The following MREG variants were observed in gnomAD, a reference collection of about 807,000 sequenced individuals.
MREG encodes the protein dilute suppressor protein homolog.
A neutral mutation model predicts 28.5 loss-of-function variants in MREG; 31 were observed. The ratio of observed to expected loss-of-function variants is 1.09; its 90% CI spans 0.82 to 1.47. The LOEUF (loss-of-function observed/expected upper bound fraction) is 1.47. MREG is among the 40% of genes most tolerant of loss of function. The probability of loss-of-function intolerance (pLI) is 0.00; values close to 1 mark genes in which losing one functional copy is unlikely to be tolerated. For synonymous variants in MREG, 106 were observed against 95.2 expected (o/e 1.11, Z -0.66); for missense variants, 256 against 257.4 (o/e 0.99, Z 0.04).
upstream of MREG, among the ~76,000 whole-genome samples, chr2:216,015,798 T>TGAAAA (rs571083906): frequency 6.6e-6 from 1 of 151,740 alleles, no homozygotes; most frequent in Non-Finnish European, 1.5e-5. Context: ...AAATAGGGTG[T>TGAAAA]GAAAAGAAAA....
chr2:215,947,724 C>A (rs1692358087), intron 2 of MREG, among the ~76,000 whole-genome samples: 1 of 152,224 alleles, frequency 6.6e-6, no homozygotes, highest in Admixed American at 6.5e-5. Context: ...TGGGCAATGT[C>A]TCCTTCACCA....
intron 2 of MREG, among the ~76,000 whole-genome samples, chr2:215,974,543 G>A (rs1693189706): frequency 6.6e-6 from 1 of 152,116 alleles, no homozygotes; most frequent in South Asian, 2.1e-4. Context: ...TTTACTGTAA[G>A]AGGAGCCAGA....
At chr2:215,967,723 C>T (rs1446249252) in intron 2 of MREG, among the ~76,000 whole-genome samples, 2 of 152,124 alleles carry the variant, frequency 1.3e-5, no homozygotes, top group Non-Finnish European at 2.9e-5. Context: ...TGTGAGACAT[C>T]ATTAGTAGCA....
At chr2:215,986,065 C>T (rs1416259669) in intron 2 of MREG, among the ~76,000 whole-genome samples, 3 of 152,154 alleles carry the variant, frequency 2.0e-5, no homozygotes, top group African/African-American at 7.2e-5. Context: ...GTTCATTTTT[C>T]AATTATCTTG....
At chr2:215,963,435 CAAAAA>C (rs767034652) in intron 2 of MREG, among the ~76,000 whole-genome samples, 4 of 46,662 alleles carry the variant, frequency 8.6e-5, no homozygotes, top group African/African-American at 1.8e-4. Flanking sequence ...GAACCCATCT[CAAAAA>C]AAAAAAAAAA....
intron 2 of MREG, among the ~76,000 whole-genome samples, chr2:215,966,601 C>CTTTTT (rs1052642780): frequency 7.3e-6 from 1 of 136,676 alleles, no homozygotes; most frequent in African/African-American, 2.7e-5. Context: ...AACATTTTCC[C>CTTTTT]TTTTTTTTTT....
chr2:216,011,337 G>A (rs1007510040), intron 1 of MREG, among the ~76,000 whole-genome samples: 3 of 152,158 alleles, frequency 2.0e-5, no homozygotes, highest in African/African-American at 7.2e-5. Context: ...GTGCCAGAAT[G>A]ACACCAAACC....
At chr2:216,018,571 T>C (rs536921100) in intron 1 of MREG, among the ~76,000 whole-genome samples, 1 of 152,318 alleles carries the variant, frequency 6.6e-6, no homozygotes, top group African/African-American at 2.4e-5. Flanking sequence ...AAGTAGCGTC[T>C]TCCTTAAAGA....
At chr2:215,966,799 G>A (rs1446180609) in intron 2 of MREG, among the ~76,000 whole-genome samples, 2 of 151,780 alleles carry the variant, frequency 1.3e-5, no homozygotes, top group African/African-American at 4.8e-5. Flanking sequence ...ACGAGGTTTC[G>A]CCATGTTGGT....
chr2:216,013,453 G>A lies in MREG; in HGVS notation c.-126C>T, dbSNP rs1202279381. The A allele has an allele frequency of 2.2e-6, 1 of 458,196 alleles. No homozygotes were observed. Among genetic ancestry groups the A allele is most frequent in the Non-Finnish European group, 3.2e-6 (1 of 313,832 alleles). 28.4% of individuals were successfully genotyped at this position (458,196 alleles called of 1,614,324 possible). A position where few individuals can be genotyped will look rare whatever the true frequency, so the allele number is the denominator to read the frequency against. On this transcript the variant is annotated 5_prime_UTR_variant, in exon 1 of 5. Coordinates refer to ENST00000263268, the MANE Select transcript of MREG (RefSeq NM_018000.3). ...GGGACAGCGGCAGCCCGGGCGTCGCGGGCTGGTCCGCGCGCATCACGCCGC... is the reference window on the plus strand; with the variant it reads ...GGGACAGCGGCAGCCCGGGCGTCGCAGGCTGGTCCGCGCGCATCACGCCGC...
At chr2:215,954,706 ATTTT>A (rs776870197) in intron 2 of MREG, among the ~76,000 whole-genome samples, 1 of 144,906 alleles carries the variant, frequency 6.9e-6, no homozygotes, top group Non-Finnish European at 1.5e-5. Context: ...TCACTATTTT[ATTTT>A]TTTTTTTTTA....
chr2:215,960,888 G>A (rs1453740989), intron 2 of MREG, among the ~76,000 whole-genome samples: 11 of 152,056 alleles, frequency 7.2e-5, no homozygotes, highest in Non-Finnish European at 2.9e-5. Context: ...GGGCCTGGAC[G>A]GTGTCAAGGA....
chr2:215,966,154 G>A (rs1692932468), intron 2 of MREG, among the ~76,000 whole-genome samples: 1 of 151,608 alleles, frequency 6.6e-6, no homozygotes, highest in African/African-American at 2.4e-5. Flanking sequence ...GGGAGGGAGA[G>A]GGGGTCCCAG....
chr2:215,941,038 T>A (rs935196500), downstream of MREG, among the ~76,000 whole-genome samples: 3 of 152,192 alleles, frequency 2.0e-5, no homozygotes, highest in Non-Finnish European at 4.4e-5. Flanking sequence ...CAGTTACGGT[T>A]ACTACTTGGC....
chr2:216,032,838 T>C (rs989898688), exon 1 of MREG: 1 of 152,232 alleles, frequency 6.6e-6, no homozygotes, highest in Non-Finnish European at 1.5e-5. Context: ...CTTATTTCAA[T>C]AGATGCCTTC....
At chr2:215,952,142 A>G (rs1048053687) in intron 2 of MREG, among the ~76,000 whole-genome samples, 1 of 152,202 alleles carries the variant, frequency 6.6e-6, no homozygotes, top group Non-Finnish European at 1.5e-5. Context: ...CAATATATTT[A>G]CCAAATTATC....
chr2:216,007,332 G>A (rs1694180818), intron 1 of MREG, among the ~76,000 whole-genome samples: 1 of 152,034 alleles, frequency 6.6e-6, no homozygotes, highest in African/African-American at 2.4e-5. Context: ...AGGTCAAAAG[G>A]CAACACTCAG....
intron 2 of MREG, among the ~76,000 whole-genome samples, chr2:215,980,600 T>A (rs1187815002): frequency 6.6e-6 from 1 of 152,156 alleles, no homozygotes; most frequent in Non-Finnish European, 1.5e-5. Context: ...TACGAAGCTG[T>A]CAGCTATTTT....
chr2:215,993,934 A>C (rs972216926), intron 2 of MREG, among the ~76,000 whole-genome samples: 22 of 152,234 alleles, frequency 1.4e-4, no homozygotes, highest in Non-Finnish European at 2.4e-4. Context: ...AGAGATGTGG[A>C]GAAATAGGAA....
Sources: gnomAD v4.1 joint callset for allele counts (sites outside exome capture counted in the v4.1 genomes callset) on GRCh38, gnomAD v4.1.1 for gene constraint, MANE v1.5 for transcripts, NCBI Gene and HGNC (gene_info 2026-07-23, HGNC 2026-07-21) for gene names.